Variants in GRB10 observed in about 807,000 individuals in gnomAD.
GRB10 encodes the protein growth factor receptor-bound protein 10.
GRB10 carries 20 observed loss-of-function variants against 80.9 expected under a neutral mutation model. The ratio of observed to expected loss-of-function variants is 0.25; its 90% CI spans 0.17 to 0.36. The LOEUF is 0.36. Among genes scored for constraint, GRB10 ranks in the 10% least tolerant of loss-of-function variants. The pLI, the probability that GRB10 is intolerant of heterozygous loss-of-function variation, is 1.00. For missense variants in GRB10, 548 were observed against 747.7 expected (o/e 0.73, Z 3.12); for synonymous variants, 291 against 291.5 (o/e 1.00, Z 0.02).
chr7:50,787,162 G>A (rs964553739), upstream of GRB10, among the ~76,000 whole-genome samples: 9 of 152,182 alleles, frequency 5.9e-5, no homozygotes, highest in South Asian at 2.1e-4. Context: ...AAGAGACGAT[G>A]AAGAGACAAG....
intron 4 of GRB10, among the ~76,000 whole-genome samples, chr7:50,724,754 G>A (rs552597425): frequency 1.3e-5 from 2 of 152,180 alleles, no homozygotes; most frequent in East Asian, 3.9e-4. Context: ...AACTTCAAAC[G>A]CAGAGAGACG....
chr7:50,681,282 C>G (rs1032446873), intron 5 of GRB10, among the ~76,000 whole-genome samples: 26 of 152,162 alleles, frequency 1.7e-4, no homozygotes, highest in African/African-American at 6.3e-4. Flanking sequence ...CACGGAGAAG[C>G]CTCCGGCTCT....
rs1483123067 is a variant in GRB10, at chr7:50,590,797, C to T, written c.*2155G>A. 1 of 152,362 alleles carries T rather than the reference C, an allele frequency of 6.6e-6. No individual in the cohort carries two copies. The highest frequency in any genetic ancestry group is 6.5e-5 in the Admixed American group (1 of 15,280). The allele number at this position is 152,362 out of a possible 1,614,324, so 9.4% of individuals were successfully genotyped here. On this transcript the variant is annotated 3_prime_UTR_variant, in exon 19 of 19. Transcript: ENST00000401949. ...GTTTACATTCTCCAACAATTCACTT[C>T]GGCAGGGAAAATACAAAAGACTACG...
chr7:50,600,606 G>GA (rs374279540), intron 17 of GRB10, among the ~76,000 whole-genome samples: 1 of 152,106 alleles, frequency 6.6e-6, no homozygotes, highest in African/African-American at 2.4e-5. Flanking sequence ...AGAGAGGGGG[G>GA]AAAAGAATCC....
At chr7:50,654,756 T>C (rs1354108781) in intron 7 of GRB10, among the ~76,000 whole-genome samples, 2 of 152,224 alleles carry the variant, frequency 1.3e-5, no homozygotes, top group Non-Finnish European at 2.9e-5. Flanking sequence ...CCCATTCTCT[T>C]TCCCTACCTA....
At chr7:50,634,581 A>G (rs2529383) in intron 7 of GRB10, among the ~76,000 whole-genome samples, 66,480 of 151,998 alleles carry the variant, frequency 0.44, 14,686 homozygotes, top group African/African-American at 0.49. Context: ...GTTCCATTTA[A>G]AAGACATGGA....
intron 7 of GRB10, among the ~76,000 whole-genome samples, chr7:50,642,552 T>C (rs2056452031): frequency 6.6e-6 from 1 of 151,912 alleles, no homozygotes; most frequent in Non-Finnish European, 1.5e-5. Context: ...AAATACAAAA[T>C]CCAAAAAACT....
rs1169160376 is a variant in GRB10 at position 50,695,442 on chromosome 7, G to A, written c.139+8379C>T. Among the ~76,000 whole-genome samples the A allele has an allele frequency of 3.3e-5, 5 of 150,190 alleles. No homozygotes were observed. In the East Asian group the frequency reaches 5.9e-4, roughly 18 times the overall value. ...TTTCATTTTCCCTCTTGTACATGTC[G>A]TACGTCATCCTCTTGGCTGCTTTCT... On this transcript the variant is annotated intron_variant, in intron 5 of 18. Transcript: ENST00000401949.
chr7:50,627,834 C>T (rs750132973), intron 7 of GRB10, among the ~76,000 whole-genome samples: 2 of 152,236 alleles, frequency 1.3e-5, no homozygotes, highest in South Asian at 2.1e-4. Flanking sequence ...TGCAAGGGAG[C>T]GTGTTTCCGT....
chr7:50,683,700 G>A (rs2061785316), intron 5 of GRB10, among the ~76,000 whole-genome samples: 1 of 152,058 alleles, frequency 6.6e-6, no homozygotes, highest in South Asian at 2.1e-4. Context: ...TCATGCCACT[G>A]CATTCCAGCC....
At chr7:50,661,594 CT>C (rs2153629551) in intron 7 of GRB10, among the ~76,000 whole-genome samples, 1 of 152,316 alleles carries the variant, frequency 6.6e-6, no homozygotes, top group South Asian at 2.1e-4. Context: ...TAGGGTGCCC[CT>C]GGGGACACCC....
At chr7:50,742,425 C>T (rs2072044167) in intron 3 of GRB10, among the ~76,000 whole-genome samples, 2 of 152,272 alleles carry the variant, frequency 1.3e-5, no homozygotes, top group African/African-American at 4.8e-5. Flanking sequence ...TGCAGGAGTC[C>T]ATGCTCTTAA....
At chr7:50,622,411 T>C (rs1040478135) in intron 8 of GRB10, among the ~76,000 whole-genome samples, 6 of 152,206 alleles carry the variant, frequency 3.9e-5, no homozygotes, top group Non-Finnish European at 7.3e-5. Flanking sequence ...CCAGAGTTAC[T>C]GCCACGGTGT....
chr7:50,705,277 T>C (rs1262883504), intron 4 of GRB10: 8 of 985,780 alleles, frequency 8.1e-6, no homozygotes, highest in Non-Finnish European at 9.6e-6. Flanking sequence ...AGGAGGATGT[T>C]TGTTCCCTGG....
intron 5 of GRB10, among the ~76,000 whole-genome samples, chr7:50,697,704 T>C (rs763008738): frequency 1.2e-4 from 18 of 152,178 alleles, no homozygotes; most frequent in Non-Finnish European, 1.6e-4. Context: ...TTAGATTTGG[T>C]CATAGGTCCC....
At chr7:50,679,537 T>C (rs1286133408) in intron 5 of GRB10, among the ~76,000 whole-genome samples, 2 of 152,212 alleles carry the variant, frequency 1.3e-5, no homozygotes, top group Non-Finnish European at 2.9e-5. Context: ...GACATGTTAT[T>C]TGCACCATGT....
chr7:50,773,319 G>A (rs1295561905), intron 2 of GRB10, among the ~76,000 whole-genome samples: 2 of 148,272 alleles, frequency 1.3e-5, no homozygotes, highest in Non-Finnish European at 3.0e-5. Context: ...TATTAGGACA[G>A]CTATAAGGAA....
At chr7:50,748,663 G>A (rs764202337) in intron 3 of GRB10, among the ~76,000 whole-genome samples, 4 of 152,206 alleles carry the variant, frequency 2.6e-5, no homozygotes, top group Non-Finnish European at 2.9e-5. Context: ...GGAGGAGCCT[G>A]GAGTTCAGGA....
intron 9 of GRB10, 109 bp downstream of exon 9, chr7:50,619,061 T>C (rs1384281502): frequency 2.8e-6 from 2 of 724,316 alleles, no homozygotes; most frequent in African/African-American, 1.7e-5. Context: ...CAAACCCATA[T>C]GCTACACCAT....
Sources: allele counts gnomAD v4.1 joint callset (sites outside exome capture counted in the v4.1 genomes callset), GRCh38; gene constraint gnomAD v4.1.1; transcripts MANE v1.5; gene names NCBI Gene and HGNC (gene_info 2026-07-23, HGNC 2026-07-21).